JMY: variants seen among roughly 807,000 people sequenced by gnomAD.
JMY encodes the protein junction-mediating and -regulatory protein.
In JMY, 46 loss-of-function variants were observed where a neutral mutation model predicts 103.3. The observed-to-expected ratio is 0.45, with a 90% CI of 0.35 to 0.57. JMY has a LOEUF of 0.57. Among genes scored for constraint, JMY ranks in the 20% least tolerant of loss-of-function variants. The pLI is 0.00. For missense variants in JMY, 1,238 were observed against 1,255.2 expected, an observed-to-expected ratio of 0.99 and a Z score of 0.21; for synonymous variants, 526 against 489.3, an observed-to-expected ratio of 1.07 and a Z score of -0.99.
Position 79,291,156 on chromosome 5 carries a change from C to T in JMY, c.1384C>T (p.Gln462Ter). Residue 462 changes from glutamine to a stop codon, truncating the protein, a stop_gained, in exon 4 of 11, where the codon CAG (glutamine) becomes TAG (stop). Coordinates refer to ENST00000396137, the MANE Select transcript of JMY (RefSeq NM_152405.5). LOFTEE classifies it high-confidence loss of function. ...KAVYDRMRAD[Q>*]KKFGKASWAA... ...TGTGTATGATCGAATGCGAGCTGAT[C>T]AGAAGAAATTTGGTAAAGCATCATG... The T allele has an allele frequency of 6.2e-7, 1 of 1,608,012 alleles. No homozygotes were observed. Among genetic ancestry groups the T allele is most frequent in the Non-Finnish European group, 8.5e-7 (1 of 1,178,236 alleles).
chr5:79,236,893 C>G lies in JMY; in HGVS notation c.243C>G (p.Pro81=), dbSNP rs1010206229. The change falls in exon 1 of 11, where the codon CCC becomes CCG. Residue 81 remains proline, a synonymous_variant. Transcript: ENST00000396137. ...CTGCGTCCGACGGGAGCCGCGGGCC[C>G]GGCAGCCCGGCGGGCAGGGGTCGGC... ...GGAASDGSRG[P]GSPAGRGRPE... The G allele has an allele frequency of 2.9e-6, 4 of 1,361,614 alleles. No individual in the cohort carries two copies. The highest frequency in any genetic ancestry group is 3.8e-6 in the Non-Finnish European group (4 of 1,061,090). 84.3% of individuals were successfully genotyped at this position (1,361,614 alleles called of 1,614,324 possible).
chr5:79,280,103 C>G (rs1209841674), intron 2 of JMY, among the ~76,000 whole-genome samples: 1 of 152,134 alleles, frequency 6.6e-6, no homozygotes, highest in Non-Finnish European at 1.5e-5. Context: ...CTTGATTGCC[C>G]AAAGTGCTGG....
chr5:79,247,833 G>GTATTTTATTT (rs111777821), intron 1 of JMY, among the ~76,000 whole-genome samples: 1 of 147,272 alleles, frequency 6.8e-6, no homozygotes, highest in African/African-American at 2.5e-5. Flanking sequence ...TTGTATTTTT[G>GTATTTTATTT]TATTTTATTT....
At chr5:79,273,970 A>G (rs911901498) in intron 1 of JMY, among the ~76,000 whole-genome samples, 8 of 151,638 alleles carry the variant, frequency 5.3e-5, no homozygotes, top group Non-Finnish European at 1.2e-4. Flanking sequence ...AGCTGGGACT[A>G]CAGGTGCCCG....
chr5:79,296,928 A>T (rs1015611317), intron 4 of JMY, among the ~76,000 whole-genome samples: 1 of 152,246 alleles, frequency 6.6e-6, no homozygotes. Flanking sequence ...TCATTATTAC[A>T]CATGGTGAGA....
Position 79,278,040 on chromosome 5 carries a change from G to A in JMY, c.1163G>A (p.Arg388Gln). 4 of 1,613,778 alleles carry A rather than the reference G, an allele frequency of 2.5e-6. No homozygotes were observed. Among genetic ancestry groups the A allele is most frequent in the Non-Finnish European group, 3.4e-6 (4 of 1,179,856 alleles). The part of the protein sequence containing the change: ...ELYQYLLQPF[R>Q]DMRELAMLRR... ...TATCAGTATTTACTACAGCCATTCC[G>A]AGACATGAGAGAACTTGCCATGCTA... Residue 388 changes from arginine to glutamine, a missense_variant, in exon 2 of 11, where the codon CGA becomes CAA. Transcript: ENST00000396137.
chr5:79,254,203 C>T (rs1745173051), intron 1 of JMY, among the ~76,000 whole-genome samples: 2 of 151,792 alleles, frequency 1.3e-5, no homozygotes, highest in Admixed American at 6.6e-5. Context: ...GTGATCTGCC[C>T]GCCTCAGCCT....
At chr5:79,300,524 G>T in intron 5 of JMY, 152 bp from the exon 6 acceptor site, 2 of 710,666 alleles carry the variant, frequency 2.8e-6, no homozygotes, top group South Asian at 4.4e-5. Context: ...ACTCTATGAG[G>T]TGTATTAAAT....
chr5:79,257,206 G>A (rs544341979), intron 1 of JMY, among the ~76,000 whole-genome samples: 11 of 151,902 alleles, frequency 7.2e-5, no homozygotes, highest in East Asian at 5.8e-4. Context: ...CCAAGTAGCC[G>A]TGATTACAGG....
chr5:79,273,350 C>G (rs1035697493), intron 1 of JMY, among the ~76,000 whole-genome samples: 1 of 152,080 alleles, frequency 6.6e-6, no homozygotes, highest in South Asian at 2.1e-4. Context: ...GTTTATTCCT[C>G]ATCTGTTCTC....
intron 2 of JMY, chr5:79,284,712 C>G: frequency 6.3e-7 from 1 of 1,591,938 alleles, no homozygotes; most frequent in Non-Finnish European, 8.5e-7. Context: ...CAGCAAGACT[C>G]ACTTCAAACA....
rs1431757488 is a variant in JMY at position 79,323,002 on chromosome 5, A to G, written c.*1400A>G. The G allele has an allele frequency of 6.6e-6, 1 of 152,256 alleles. No individual in the cohort carries two copies. The highest frequency in any genetic ancestry group is 1.5e-5 in the Non-Finnish European group (1 of 68,038). 9.4% of individuals were successfully genotyped at this position (152,256 alleles called of 1,614,324 possible). On this transcript the variant is annotated 3_prime_UTR_variant, in exon 11 of 11. Coordinates refer to ENST00000396137, the MANE Select transcript of JMY (RefSeq NM_152405.5). ...GAAATGCTCACACCTTTGTTATTTT[A>G]AAGTGTTTTCTTGAAAATAATTAGG...
chr5:79,239,827 GA>G (rs138200704), intron 1 of JMY, among the ~76,000 whole-genome samples: 30 of 139,904 alleles, frequency 2.1e-4, no homozygotes, highest in East Asian at 1.5e-3. Context: ...AAAAAGAAAA[GA>G]AAAAGAAAAA....
chr5:79,262,688 G>A (rs909414410), intron 1 of JMY, among the ~76,000 whole-genome samples: 2 of 152,210 alleles, frequency 1.3e-5, no homozygotes, highest in Non-Finnish European at 2.9e-5. Flanking sequence ...TTATAGGAAA[G>A]AAGGCAGATT....
At chr5:79,284,581 G>T in intron 2 of JMY, 2 of 1,539,742 alleles carry the variant, frequency 1.3e-6, no homozygotes, top group South Asian at 2.2e-5. Flanking sequence ...GCCATTTTTT[G>T]ACCATGGAAC....
Position 79,314,548 on chromosome 5 carries a change from CTT to C in JMY, c.2357_2358del (p.Leu786ProfsTer5). 1 of 1,614,164 alleles carries C rather than the reference CTT, an allele frequency of 6.2e-7. No individual in the cohort carries two copies. The highest frequency in any genetic ancestry group is 8.5e-7 in the Non-Finnish European group (1 of 1,180,014). On this transcript the variant is annotated frameshift_variant, in exon 9 of 11. Transcript: ENST00000396137. LOFTEE classifies it high-confidence loss of function. ...VTSELPPTIS[L>X]PLLNNNLEPC... Reference sequence around the variant, plus strand: ...CTCTGAACTGCCTCCCACTATATCTCTTCCACTTTTGAATAACAACCTCGAAC... The same window carrying C: ...CTCTGAACTGCCTCCCACTATATCTCCCACTTTTGAATAACAACCTCGAAC...
intron 1 of JMY, among the ~76,000 whole-genome samples, chr5:79,243,982 A>G (rs1744816406): frequency 6.7e-6 from 1 of 149,852 alleles, no homozygotes; most frequent in South Asian, 2.1e-4. Flanking sequence ...TCCACCAGAG[A>G]TTTCTTTCTT....
intron 6 of JMY, among the ~76,000 whole-genome samples, chr5:79,303,573 T>C (rs1171113263): frequency 1.3e-5 from 2 of 152,164 alleles, no homozygotes; most frequent in Non-Finnish European, 2.9e-5. Flanking sequence ...GCTGCTGTGA[T>C]GTAGTGCGAG....
At chr5:79,242,855 C>T (rs756892191) in intron 1 of JMY, among the ~76,000 whole-genome samples, 7 of 151,448 alleles carry the variant, frequency 4.6e-5, no homozygotes, top group Non-Finnish European at 2.9e-5. Flanking sequence ...AGTATCTCAG[C>T]TCACTGCAAC....
Sources: allele counts gnomAD v4.1 joint callset (sites outside exome capture counted in the v4.1 genomes callset), GRCh38; gene constraint gnomAD v4.1.1; transcripts MANE v1.5; gene names NCBI Gene and HGNC (gene_info 2026-07-23, HGNC 2026-07-21).